Variants in CDH18 observed in about 807,000 individuals in gnomAD.
CDH18 encodes cadherin 18, also known as cadherin-18.
CDH18 carries 31 observed loss-of-function variants against 67.9 expected under a neutral mutation model. The observed-to-expected ratio is 0.46, with a 90% CI of 0.34 to 0.62. The LOEUF is 0.62. Ranked by LOEUF, CDH18 falls within the 20% of genes least tolerant of loss-of-function variation. The pLI, the probability that CDH18 is intolerant of heterozygous loss-of-function variation, is 0.01. For missense variants in CDH18, 890 were observed against 975.5 expected, an observed-to-expected ratio of 0.91 and a Z score of 1.17; for synonymous variants, 362 against 347.2, an observed-to-expected ratio of 1.04 and a Z score of -0.48.
chr5:20,074,912 G>A (rs375788939), intron 2 of CDH18, among the ~76,000 whole-genome samples: 7 of 152,030 alleles, frequency 4.6e-5, no homozygotes, highest in South Asian at 2.1e-4. Flanking sequence ...TGTATTAGTC[G>A]TTTAACTTGG....
intron 2 of CDH18, among the ~76,000 whole-genome samples, chr5:19,999,409 C>G (rs1367585538): frequency 6.6e-6 from 1 of 152,064 alleles, no homozygotes; most frequent in African/African-American, 2.4e-5. Flanking sequence ...AGACCACCAG[C>G]CTGGCCAACA....
intron 2 of CDH18, among the ~76,000 whole-genome samples, chr5:19,888,213 TTACA>T (rs1444513735): frequency 6.6e-6 from 1 of 152,158 alleles, no homozygotes; most frequent in Non-Finnish European, 1.5e-5. Context: ...CACGTACATC[TTACA>T]ATTAGCTTGC....
chr5:20,133,942 T>C (rs949665762), intron 2 of CDH18, among the ~76,000 whole-genome samples: 1 of 152,146 alleles, frequency 6.6e-6, no homozygotes, highest in Admixed American at 6.6e-5. Flanking sequence ...ATTATATATG[T>C]CTTACAACTT....
At chr5:20,378,859 G>T (rs959476253) in intron 1 of CDH18, among the ~76,000 whole-genome samples, 1 of 151,908 alleles carries the variant, frequency 6.6e-6, no homozygotes, top group Non-Finnish European at 1.5e-5. Flanking sequence ...AGTAACAAAG[G>T]GGTTGCAATA....
At chr5:19,949,321 A>G (rs1157567903) in intron 2 of CDH18, among the ~76,000 whole-genome samples, 3 of 152,156 alleles carry the variant, frequency 2.0e-5, no homozygotes, top group African/African-American at 7.2e-5. Flanking sequence ...ATCTAGGTAT[A>G]AGACAGATTA....
chr5:19,547,405 A>G (rs1425709356), intron 8 of CDH18, among the ~76,000 whole-genome samples: 1 of 152,202 alleles, frequency 6.6e-6, no homozygotes, highest in African/African-American at 2.4e-5. Context: ...AACTATCAGA[A>G]AAGCTCAGAT....
chr5:20,213,320 C>A (rs1238967603), intron 2 of CDH18, among the ~76,000 whole-genome samples: 1 of 152,092 alleles, frequency 6.6e-6, no homozygotes, highest in Non-Finnish European at 1.5e-5. Context: ...TCTCTCAAAA[C>A]AACTGCATTA....
intron 5 of CDH18, among the ~76,000 whole-genome samples, chr5:19,664,503 T>A (rs1032136432): frequency 4.6e-5 from 7 of 151,880 alleles, no homozygotes; most frequent in Non-Finnish European, 8.8e-5. Flanking sequence ...AACAAAAGCC[T>A]GACTGTAAGG....
intron 2 of CDH18, among the ~76,000 whole-genome samples, chr5:20,155,388 C>T (rs1269837515): frequency 2.0e-5 from 3 of 152,104 alleles, no homozygotes; most frequent in East Asian, 3.9e-4. Context: ...TGTCTGTACA[C>T]GTTCTTTGCC....
intron 5 of CDH18, among the ~76,000 whole-genome samples, chr5:19,720,718 TAAA>T (rs1374511381): frequency 2.0e-5 from 3 of 152,140 alleles, no homozygotes; most frequent in African/African-American, 7.2e-5. Flanking sequence ...TTTTGGCCAG[TAAA>T]AAATAAAAGG....
In CDH18 at chr5:20,230,683, G is replaced by C. The variant is rs567200563; in HGVS notation, c.-518+24761C>G. On this transcript the variant is annotated intron_variant, in intron 2 of 14. Coordinates refer to the CDH18 transcript ENST00000507958. ...TCATGATTCTTTGTGGGGATATTAT[G>C]TTTTAACTATGTTCTACCTCACCCT... Among the ~76,000 whole-genome samples the C allele has an allele frequency of 2.0e-5, 3 of 151,994 alleles. No homozygotes were observed. In the South Asian group the frequency reaches 6.2e-4, roughly 32 times the overall value.
At chr5:19,887,635 C>A (rs2136128) in intron 2 of CDH18, among the ~76,000 whole-genome samples, 4 of 151,652 alleles carry the variant, frequency 2.6e-5, no homozygotes, top group Admixed American at 2.6e-4. Flanking sequence ...GTGGCATGAT[C>A]ATATTTCACT....
chr5:20,371,114 G>C (rs1308720760), intron 1 of CDH18, among the ~76,000 whole-genome samples: 3 of 152,102 alleles, frequency 2.0e-5, no homozygotes, highest in African/African-American at 7.2e-5. Flanking sequence ...GTAGTGATTA[G>C]AAGCATTGGC....
chr5:19,877,228 CCT>C (rs1561491855), intron 2 of CDH18, among the ~76,000 whole-genome samples: 1 of 151,654 alleles, frequency 6.6e-6, no homozygotes, highest in African/African-American at 2.4e-5. Flanking sequence ...AAAAAAAAAA[CCT>C]ATATTAAATG....
intron 2 of CDH18, among the ~76,000 whole-genome samples, chr5:19,956,237 A>T (rs1321816448): frequency 6.6e-6 from 1 of 152,006 alleles, no homozygotes. Flanking sequence ...TAGATGCTAA[A>T]TTGAAATTAA....
chr5:20,514,926 T>A (rs1755267400), intron 1 of CDH18, among the ~76,000 whole-genome samples: 1 of 151,998 alleles, frequency 6.6e-6, no homozygotes, highest in Non-Finnish European at 1.5e-5. Flanking sequence ...CACTTATATA[T>A]CATGGCTATT....
chr5:19,634,541 A>G (rs1160035234), intron 5 of CDH18, among the ~76,000 whole-genome samples: 2 of 152,232 alleles, frequency 1.3e-5, no homozygotes, highest in East Asian at 3.9e-4. Flanking sequence ...CACAAGTAAC[A>G]TCATAAGCAA....
At chr5:20,131,942 C>T (rs1197544566) in intron 2 of CDH18, among the ~76,000 whole-genome samples, 2 of 151,942 alleles carry the variant, frequency 1.3e-5, no homozygotes, top group Non-Finnish European at 2.9e-5. Flanking sequence ...GGCTGGAGTG[C>T]AGTGGTGTGA....
chr5:20,023,530 G>A (rs1443827795), intron 2 of CDH18, among the ~76,000 whole-genome samples: 3 of 151,850 alleles, frequency 2.0e-5, no homozygotes, highest in Non-Finnish European at 4.4e-5. Context: ...GTGGTGGCGG[G>A]CACCTGTACT....
Sources: gnomAD v4.1 joint callset for allele counts (sites outside exome capture counted in the v4.1 genomes callset) on GRCh38, gnomAD v4.1.1 for gene constraint, MANE v1.5 for transcripts, NCBI Gene and HGNC (gene_info 2026-07-23, HGNC 2026-07-21) for gene names.